SKAP1: variants seen among roughly 807,000 people sequenced by gnomAD.
SKAP1 encodes the protein src kinase-associated phosphoprotein 1.
In SKAP1, 44 loss-of-function variants were observed where a neutral mutation model predicts 58.5. The observed-to-expected ratio is 0.75, with a 90% CI of 0.59 to 0.97. The LOEUF (loss-of-function observed/expected upper bound fraction) is 0.97. SKAP1 is among the 50% of genes least tolerant of loss of function. The pLI, the probability that SKAP1 is intolerant of heterozygous loss-of-function variation, is 0.00. For synonymous variants in SKAP1, 127 were observed against 149.7 expected (o/e 0.85, Z 1.11); for missense variants, 390 against 435.2 (o/e 0.90, Z 0.92).
chr17:48,334,132 C>T (rs2066538109), intron 4 of SKAP1, among the ~76,000 whole-genome samples: 1 of 151,772 alleles, frequency 6.6e-6, no homozygotes, highest in Non-Finnish European at 1.5e-5. Context: ...ATTCTGATAC[C>T]CCAAGAGACC....
intron 4 of SKAP1, among the ~76,000 whole-genome samples, chr17:48,282,055 GA>G (rs1475592894): frequency 6.6e-6 from 1 of 152,110 alleles, no homozygotes; most frequent in African/African-American, 2.4e-5. Context: ...AAAGAAAACA[GA>G]AATCCCAAAA....
At chr17:48,323,616 A>G (rs2066395920) in intron 4 of SKAP1, among the ~76,000 whole-genome samples, 1 of 152,158 alleles carries the variant, frequency 6.6e-6, no homozygotes, top group Admixed American at 6.6e-5. Flanking sequence ...ACTAAGAATA[A>G]ATGCATTTGT....
chr17:48,194,704 C>T (rs984869635), intron 4 of SKAP1, among the ~76,000 whole-genome samples: 1 of 152,214 alleles, frequency 6.6e-6, no homozygotes, highest in African/African-American at 2.4e-5. Context: ...TTTTAAAAAA[C>T]ATCTTTTGTT....
chr17:48,359,857 A>G (rs2066915285), intron 3 of SKAP1, among the ~76,000 whole-genome samples: 1 of 152,026 alleles, frequency 6.6e-6, no homozygotes, highest in African/African-American at 2.4e-5. Flanking sequence ...CTACCTGCTC[A>G]GCCTCCCAAA....
At chr17:48,281,529 C>T (rs2065767263) in intron 4 of SKAP1, among the ~76,000 whole-genome samples, 1 of 152,110 alleles carries the variant, frequency 6.6e-6, no homozygotes, top group Non-Finnish European at 1.5e-5. Context: ...TCAAATTGTG[C>T]TTTAAAGAAA....
At position 48,410,934 on chromosome 17, in the gene SKAP1, C is replaced by CAAAA. The variant is rs61705374; in HGVS notation, c.47-14153_47-14150dup. Reference sequence around the variant, plus strand: ...AGAGCGACAGAGCGAGACTCCATTTCAAAAAAAAAAAAAAAAAAAAAAAGA... The same window carrying CAAAA: ...AGAGCGACAGAGCGAGACTCCATTTCAAAAAAAAAAAAAAAAAAAAAAAAAAAGA... On this transcript the variant is annotated intron_variant, in intron 1 of 12. Coordinates refer to ENST00000336915, the MANE Select transcript of SKAP1 (RefSeq NM_003726.4). Among the ~76,000 whole-genome samples the CAAAA allele has an allele frequency of 3.9e-3, 259 of 66,158 alleles. 3 individuals carry two copies. Among genetic ancestry groups the CAAAA allele is most frequent in the East Asian group, 6.5e-3 (15 of 2,298 alleles). The allele number at this position is 66,158 out of a possible 152,430, so 43.4% of individuals were successfully genotyped here.
chr17:48,411,355 C>T (rs369022659), intron 1 of SKAP1, among the ~76,000 whole-genome samples: 15 of 151,976 alleles, frequency 9.9e-5, no homozygotes, highest in East Asian at 7.7e-4. Flanking sequence ...GCCGACATCA[C>T]GCCACTGCAC....
rs1195288943 is a variant in SKAP1, at chr17:48,430,124, G to A, written c.-4C>T. On this transcript the variant is annotated 5_prime_UTR_variant, in exon 1 of 13. Transcript: ENST00000336915. ...CAGGGAGGGCGGCGGCCTGCATTTG[G>A]CTGGGCGGGAGAGAGGCGGGACGGG... 1 of 1,262,488 alleles carries A rather than the reference G, an allele frequency of 7.9e-7. No homozygotes were observed. The highest frequency in any genetic ancestry group is 1.0e-6 in the Non-Finnish European group (1 of 996,570). The allele number at this position is 1,262,488 out of a possible 1,614,324, so 78.2% of individuals were successfully genotyped here. A position where few individuals can be genotyped will look rare whatever the true frequency, so the allele number is the denominator to read the frequency against.
At chr17:48,367,540 A>ATATATATATGGATATATATCCATATG (rs2144413365) in intron 2 of SKAP1, among the ~76,000 whole-genome samples, 1 of 146,850 alleles carries the variant, frequency 6.8e-6, no homozygotes, top group Admixed American at 7.0e-5. Flanking sequence ...GTGTGTGTAT[A>ATATATATATGGATATATATCCATATG]TATATATATG....
intron 7 of SKAP1, among the ~76,000 whole-genome samples, chr17:48,183,331 G>C (rs1287967677): frequency 1.3e-5 from 2 of 152,108 alleles, no homozygotes; most frequent in Admixed American, 1.3e-4. Context: ...AGAATCCACA[G>C]ACCATGGTAA....
chr17:48,397,869 A>G (rs1477477396), intron 1 of SKAP1, among the ~76,000 whole-genome samples: 2 of 152,042 alleles, frequency 1.3e-5, no homozygotes, highest in Non-Finnish European at 2.9e-5. Context: ...GAAATTGCAG[A>G]GGGGGGGTGG....
intron 5 of SKAP1, among the ~76,000 whole-genome samples, chr17:48,188,871 G>A (rs1008133593): frequency 1.3e-5 from 2 of 152,106 alleles, no homozygotes; most frequent in Non-Finnish European, 2.9e-5. Context: ...ATGGTGGCAC[G>A]CACCTGTAGT....
intron 4 of SKAP1, among the ~76,000 whole-genome samples, chr17:48,327,047 T>C (rs1277805389): frequency 3.3e-5 from 5 of 152,094 alleles, no homozygotes; most frequent in Non-Finnish European, 5.9e-5. Flanking sequence ...TGCGCCACCA[T>C]GCCTTGCTAA....
intron 3 of SKAP1, among the ~76,000 whole-genome samples, chr17:48,353,756 C>A (rs546683337): frequency 6.6e-6 from 1 of 151,570 alleles, no homozygotes; most frequent in Non-Finnish European, 1.5e-5. Context: ...ATTAGCTGGG[C>A]GTGGTGGCAG....
intron 1 of SKAP1, 76 bp downstream of exon 1, chr17:48,429,999 G>A: frequency 8.5e-7 from 1 of 1,179,412 alleles, no homozygotes; most frequent in Non-Finnish European, 1.1e-6. Flanking sequence ...CGTAAAGAAA[G>A]CCTGGCCGTG....
intron 4 of SKAP1, among the ~76,000 whole-genome samples, chr17:48,252,557 T>C (rs2143883871): frequency 6.6e-6 from 1 of 152,324 alleles, no homozygotes; most frequent in Non-Finnish European, 1.5e-5. Flanking sequence ...AGAAGGAATA[T>C]GAGGATAGTA....
At chr17:48,373,558 G>A (rs917773317) in intron 2 of SKAP1, among the ~76,000 whole-genome samples, 1 of 152,134 alleles carries the variant, frequency 6.6e-6, no homozygotes, top group Admixed American at 6.5e-5. Context: ...CAGTTGTTTT[G>A]TTAGATAGCC....
intron 4 of SKAP1, among the ~76,000 whole-genome samples, chr17:48,317,587 C>A (rs146088519): frequency 5.4e-4 from 82 of 152,186 alleles, no homozygotes; most frequent in African/African-American, 1.9e-3. Flanking sequence ...TTTTCATGTA[C>A]CAAAAGTTAA....
intron 4 of SKAP1, among the ~76,000 whole-genome samples, chr17:48,235,059 G>A (rs1246451416): frequency 1.3e-5 from 2 of 152,162 alleles, no homozygotes; most frequent in African/African-American, 2.4e-5. Context: ...GAAATGTTAC[G>A]TTTTTCCTTG....
Sources: gnomAD v4.1 joint callset for allele counts (sites outside exome capture counted in the v4.1 genomes callset) on GRCh38, gnomAD v4.1.1 for gene constraint, MANE v1.5 for transcripts, NCBI Gene and HGNC (gene_info 2026-07-23, HGNC 2026-07-21) for gene names.